Variants in SEPHS1 observed in about 807,000 individuals in gnomAD.
SEPHS1 encodes zincore component SEPHS1.
A neutral mutation model predicts 39.2 loss-of-function variants in SEPHS1; 7 were observed. That is an observed-to-expected ratio of 0.18 (90% CI 0.10 to 0.34). SEPHS1 has a LOEUF of 0.34. Among genes scored for constraint, SEPHS1 ranks in the 10% least tolerant of loss-of-function variants. The pLI is 1.00. For synonymous variants in SEPHS1, 190 were observed against 195.5 expected, an observed-to-expected ratio of 0.97 and a Z score of 0.23; for missense variants, 253 against 514.5, an observed-to-expected ratio of 0.49 and a Z score of 4.92.
At chr10:13,338,863 T>A in intron 2 of SEPHS1, 55 bp from the exon 3 acceptor site, 1 of 1,274,506 alleles carries the variant, frequency 7.8e-7, no homozygotes. Flanking sequence ...GCCATTTCAT[T>A]TTATATCACC....
At chr10:13,323,810 TA>T (rs1833181965) in intron 7 of SEPHS1, among the ~76,000 whole-genome samples, 1 of 150,894 alleles carries the variant, frequency 6.6e-6, no homozygotes, top group Admixed American at 6.6e-5. Context: ...GGCATGATCA[TA>T]ACTCACTGCA....
intron 4 of SEPHS1, among the ~76,000 whole-genome samples, chr10:13,335,107 T>C (rs901478928): frequency 2.0e-5 from 3 of 152,204 alleles, no homozygotes; most frequent in African/African-American, 7.2e-5. Context: ...TGTTGGGGGC[T>C]CTTGGGACAA....
At chr10:13,333,020 GA>G (rs1833516797) in intron 5 of SEPHS1, among the ~76,000 whole-genome samples, 2 of 152,074 alleles carry the variant, frequency 1.3e-5, no homozygotes, top group African/African-American at 4.8e-5. Context: ...CTGTAGCAAT[GA>G]AAACATCCTA....
chr10:13,331,212 A>G (rs1833458977), intron 5 of SEPHS1, among the ~76,000 whole-genome samples: 1 of 151,966 alleles, frequency 6.6e-6, no homozygotes, highest in Non-Finnish European at 1.5e-5. Context: ...TATGTGCCAC[A>G]TTTTCTTAAT....
At chr10:13,326,254 T>A (rs532360822) in intron 7 of SEPHS1, among the ~76,000 whole-genome samples, 1 of 152,090 alleles carries the variant, frequency 6.6e-6, no homozygotes, top group African/African-American at 2.4e-5. Context: ...GACAGGCGGA[T>A]CACAAGGTCA....
chr10:13,323,595 C>T (rs188793200), intron 7 of SEPHS1, among the ~76,000 whole-genome samples: 37 of 152,188 alleles, frequency 2.4e-4, no homozygotes, highest in African/African-American at 7.9e-4. Flanking sequence ...CCTCATGATC[C>T]GCCCGCCCTG....
In SEPHS1 at chr10:13,319,135, G is replaced by T; in HGVS notation, c.*7C>A. The T allele has an allele frequency of 1.2e-6, 2 of 1,611,030 alleles. No individual in the cohort carries two copies. Among genetic ancestry groups the T allele is most frequent in the Non-Finnish European group, 8.5e-7 (1 of 1,178,792 alleles). On this transcript the variant is annotated 3_prime_UTR_variant, in exon 9 of 9. Coordinates refer to ENST00000327347, the MANE Select transcript of SEPHS1 (RefSeq NM_012247.5). ...AAAACAAAACCAAACAGCTATTTCT[G>T]TCTAGATTAAGAGGTGGCCCCGGGT... is the stretch of plus-strand genomic sequence containing the variant.
At chr10:13,347,356 C>A (rs1467229383) in intron 1 of SEPHS1, 1 of 151,856 alleles carries the variant, frequency 6.6e-6, no homozygotes, top group Non-Finnish European at 1.5e-5. Flanking sequence ...AGCAAGGAAC[C>A]CGGGGACACC....
At chr10:13,332,126 G>A (rs1833490733) in intron 5 of SEPHS1, among the ~76,000 whole-genome samples, 1 of 152,178 alleles carries the variant, frequency 6.6e-6, no homozygotes, top group African/African-American at 2.4e-5. Context: ...ACAACCCAAA[G>A]GTCCGTCACC....
chr10:13,346,002 A>C (rs1282146884), intron 1 of SEPHS1, among the ~76,000 whole-genome samples: 3 of 152,252 alleles, frequency 2.0e-5, no homozygotes, highest in African/African-American at 7.2e-5. Flanking sequence ...GAAAGCCTGG[A>C]AAGTTCTCTG....
At chr10:13,335,732 C>A (rs1034409342) in intron 4 of SEPHS1, among the ~76,000 whole-genome samples, 2 of 151,600 alleles carry the variant, frequency 1.3e-5, no homozygotes, top group African/African-American at 4.9e-5. Context: ...GCAATCCCAG[C>A]ACTTTGGGAT....
intron 7 of SEPHS1, among the ~76,000 whole-genome samples, chr10:13,327,190 G>A (rs915063170): frequency 2.2e-5 from 3 of 136,036 alleles, no homozygotes; most frequent in Non-Finnish European, 4.6e-5. Context: ...GCAGTGAGCC[G>A]AGATCACACC....
rs907754275 is a variant in SEPHS1 at position 13,319,828 on chromosome 10, A to AAC, written c.965-474_965-473dup. On this transcript the variant is annotated intron_variant, in intron 8 of 8. Transcript: ENST00000327347. The stretch of plus-strand genomic sequence containing the variant: ...ATTAAGCAATTGCTAGTAAACTCCT[A>AAC]ACACACACACATATACACTCCAACT... 6.6e-5 allele frequency among the ~76,000 whole-genome samples: 10 copies of AAC among 152,294 alleles called. No individual in the cohort carries two copies. In the East Asian group the frequency reaches 1.2e-3, roughly 18 times the overall value.
In SEPHS1 at chr10:13,319,156, C is replaced by T. The variant is rs772657582; in HGVS notation, c.1165G>A (p.Gly389Arg). 6.2e-6 allele frequency: 10 copies of T among 1,612,614 alleles called. No homozygotes were observed. Among genetic ancestry groups the T allele is most frequent in the South Asian group, 3.3e-5 (3 of 90,720 alleles). The change falls in exon 9 of 9, where the codon GGG becomes AGG. Residue 389 changes from glycine (G) to arginine (R), a missense_variant. Coordinates refer to ENST00000327347, the MANE Select transcript of SEPHS1 (RefSeq NM_012247.5). ...VATQNVNPTPGATS is the reference protein window; with the variant it reads ...VATQNVNPTPRATS ...TTCTGTCTAGATTAAGAGGTGGCCCCGGGTGTGGGATTCACATTTTGAGTG... is the reference window on the plus strand; with the variant it reads ...TTCTGTCTAGATTAAGAGGTGGCCCTGGGTGTGGGATTCACATTTTGAGTG...
chr10:13,321,579 G>C (rs1833118104), intron 8 of SEPHS1, among the ~76,000 whole-genome samples: 1 of 151,866 alleles, frequency 6.6e-6, no homozygotes, highest in Admixed American at 6.6e-5. Flanking sequence ...TTTGCGGGTA[G>C]AAAACTAGAG....
intron 1 of SEPHS1, among the ~76,000 whole-genome samples, chr10:13,347,045 G>A (rs149593091): frequency 0.015 from 2,330 of 152,288 alleles, 27 homozygotes; most frequent in Non-Finnish European, 0.023. Flanking sequence ...GCAGTGATTA[G>A]GGAACCAGGG....
chr10:13,333,194 C>T lies in SEPHS1; in HGVS notation c.560+623G>A, dbSNP rs975555337. On this transcript the variant is annotated intron_variant, in intron 5 of 8. Coordinates refer to ENST00000327347, the MANE Select transcript of SEPHS1 (RefSeq NM_012247.5). ...TGTTGCCCAGGCTGGAGTGCAGTGG[C>T]GCGATCTTGGCTCACTGCAGCCGCA... Among the ~76,000 whole-genome samples the T allele has an allele frequency of 1.1e-3, 171 of 150,826 alleles. 1 individual carries two copies. The highest frequency in any genetic ancestry group is 3.0e-3 in the Admixed American group (46 of 15,094).
At chr10:13,324,342 G>GA (rs1833199516) in intron 7 of SEPHS1, among the ~76,000 whole-genome samples, 1 of 152,196 alleles carries the variant, frequency 6.6e-6, no homozygotes, top group South Asian at 2.1e-4. Flanking sequence ...ACCTACTGAA[G>GA]AAATGAATGG....
chr10:13,323,993 A>T (rs907535820), intron 7 of SEPHS1, among the ~76,000 whole-genome samples: 6 of 152,180 alleles, frequency 3.9e-5, no homozygotes, highest in Middle Eastern at 3.4e-3. Context: ...ATTTAATTTT[A>T]AAAAAATTTA....
Sources: allele counts gnomAD v4.1 joint callset (sites outside exome capture counted in the v4.1 genomes callset), GRCh38; gene constraint gnomAD v4.1.1; transcripts MANE v1.5; gene names NCBI Gene and HGNC (gene_info 2026-07-23, HGNC 2026-07-21).